The following PANK4 variants were observed in gnomAD, a reference collection of about 807,000 sequenced individuals.
The protein encoded by PANK4 is pantothenate kinase 4 (inactive).
PANK4 carries 40 observed loss-of-function variants against 87.9 expected under a neutral mutation model. The observed-to-expected ratio is 0.46, with a 90% CI of 0.35 to 0.59. The LOEUF is 0.59. PANK4 is among the 20% of genes least tolerant of loss of function. The pLI is 0.00. For missense variants in PANK4, 926 were observed against 1,072.3 expected, an observed-to-expected ratio of 0.86 and a Z score of 1.90; for synonymous variants, 524 against 467.4, an observed-to-expected ratio of 1.12 and a Z score of -1.56.
intron 12 of PANK4, among the ~76,000 whole-genome samples, chr1:2,513,477 A>T (rs1246637563): frequency 6.6e-6 from 1 of 152,236 alleles, no homozygotes; most frequent in Non-Finnish European, 1.5e-5. Flanking sequence ...AGGGCCAAGG[A>T]GGGCTCTGGC....
At chr1:2,524,162 T>C (rs914796322) in intron 1 of PANK4, among the ~76,000 whole-genome samples, 6 of 152,266 alleles carry the variant, frequency 3.9e-5, no homozygotes, top group Non-Finnish European at 7.4e-5. Context: ...AGCTGCAGTA[T>C]GTTTTGAGAA....
At position 2,514,930 on chromosome 1, in the gene PANK4, G is replaced by C. The variant is rs982255792; in HGVS notation, c.1375-464C>G. Among the ~76,000 whole-genome samples the C allele has an allele frequency of 7.2e-5, 11 of 152,140 alleles. No homozygotes were observed. The South Asian group carries it at 1.0e-3, about 14-fold the overall frequency. ...CAGACTCGAGCCCCCATCCTGTGCC[G>C]GGGACGAGGGGCTCTGGGCACTCAG... On this transcript the variant is annotated intron_variant, in intron 10 of 18. Coordinates refer to ENST00000378466, the MANE Select transcript of PANK4 (RefSeq NM_018216.4).
At position 2,509,376 on chromosome 1, in the gene PANK4, T is replaced by C. The variant is rs1049271127; in HGVS notation, c.2109-316A>G. ...GCTGGGGCACAGATGAAGCCAGCAC[T>C]GGAGAATCCCACCAGGCAGAGCAGA... On this transcript the variant is annotated intron_variant, in intron 18 of 18. Coordinates refer to ENST00000378466, the MANE Select transcript of PANK4 (RefSeq NM_018216.4). This position sits in a 1 kb window ranked among gnomAD's most constrained non-coding sequence, Gnocchi z 4.9. 6.6e-6 allele frequency among the ~76,000 whole-genome samples: 1 copy of C among 152,194 alleles called. No homozygotes were observed. Among genetic ancestry groups the C allele is most frequent in the African/African-American group, 2.4e-5 (1 of 41,448 alleles).
rs1288990172 is a variant in PANK4 at position 2,526,558 on chromosome 1, C to G, written c.30G>C (p.Gly10=). MAECGASGS[G]SSGDSLDKSI... ...TCTTGTCCAGACTGTCCCCGCTGCT[C>G]CCGCTGCCGCTCGCTCCACACTCCG... The change falls in exon 1 of 19, where the codon GGG becomes GGC. Residue 10 remains glycine (G), a synonymous_variant. Transcript: ENST00000378466. 3.7e-6 allele frequency: 6 copies of G among 1,602,758 alleles called. No individual in the cohort carries two copies. In the African/African-American group the frequency reaches 6.8e-5, roughly 18 times the overall value.
chr1:2,514,527 C>G, intron 10 of PANK4, 61 bp from the exon 11 acceptor site: 5 of 785,988 alleles, frequency 6.4e-6, no homozygotes, highest in Non-Finnish European at 9.1e-6. Context: ...CGAATCCCCA[C>G]GTGACAGCAG....
rs1643643388 is a variant in PANK4, at chr1:2,510,531, C to G, written c.1938+147G>C. ...GCCTCCACCCCAGCAGATGACGGCT[C>G]TGGGCCGCCTCCCCCGTGCTGCTGC... is the stretch of plus-strand genomic sequence containing the variant. On this transcript the variant is annotated intron_variant, in intron 16 of 18. Transcript: ENST00000378466. The surrounding 1 kb of genome is among the most constrained non-coding windows in gnomAD (Gnocchi z 4.9). The G allele has an allele frequency of 1.5e-6, 1 of 657,760 alleles. No homozygotes were observed. Among genetic ancestry groups the G allele is most frequent in the Admixed American group, 2.5e-5 (1 of 40,770 alleles). The allele number at this position is 657,760 out of a possible 1,614,324, so 40.7% of individuals were successfully genotyped here. A position where few individuals can be genotyped will look rare whatever the true frequency, so the allele number is the denominator to read the frequency against.
At chr1:2,514,545 G>A (rs1038889744) in intron 10 of PANK4, 79 bp from the exon 11 acceptor site, 14 of 972,498 alleles carry the variant, frequency 1.4e-5, no homozygotes, top group African/African-American at 6.5e-5. Context: ...CAGGGGGCTC[G>A]GGGAAGGGTG....
intron 9 of PANK4, among the ~76,000 whole-genome samples, chr1:2,516,212 C>G (rs780163923): frequency 2.0e-5 from 3 of 152,162 alleles, no homozygotes; most frequent in Admixed American, 6.5e-5. Context: ...AAGCACCAGG[C>G]AGTGTTCCAC....
chr1:2,521,060 C>A lies in PANK4; in HGVS notation c.422+41G>T, dbSNP rs548137982. 3.1e-5 allele frequency: 48 copies of A among 1,569,254 alleles called. No homozygotes were observed. In the East Asian group the frequency reaches 9.9e-4, roughly 32 times the overall value. On this transcript the variant is annotated intron_variant, in intron 3 of 18. Transcript: ENST00000378466. ...TCTGGGACACCCAGGGACTCGGGGG[C>A]AGACACATGTTCCTTTCTCGCCCTT...
rs781030376 is a variant in PANK4, at chr1:2,509,557, C to T, written c.2108+305G>A. ...TGTGGGACACGGAGGTGACAGACAC[C>T]GGGCAGCTGCCCAGGTCGCCCTCGG... On this transcript the variant is annotated intron_variant, in intron 18 of 18. Transcript: ENST00000378466. The surrounding 1 kb of genome is among the most constrained non-coding windows in gnomAD (Gnocchi z 4.9). Among the ~76,000 whole-genome samples, 23 of 152,186 alleles carry T rather than the reference C, an allele frequency of 1.5e-4. No homozygotes were observed. The highest frequency in any genetic ancestry group is 3.6e-4 in the African/African-American group (15 of 41,440).
At chr1:2,518,736 G>C in intron 7 of PANK4, 139 bp from the exon 8 acceptor site, 2 of 720,228 alleles carry the variant, frequency 2.8e-6, no homozygotes, top group Non-Finnish European at 4.8e-6. Context: ...CGGCATACTT[G>C]CCAGTGGAAT....
Position 2,510,538 on chromosome 1 carries a change from G to A in PANK4, c.1938+140C>T, listed in dbSNP as rs888478181. On this transcript the variant is annotated intron_variant, in intron 16 of 18. Coordinates refer to ENST00000378466, the MANE Select transcript of PANK4 (RefSeq NM_018216.4). This position sits in a 1 kb window ranked among gnomAD's most constrained non-coding sequence, Gnocchi z 4.9. ...CCCCAGCAGATGACGGCTCTGGGCC[G>A]CCTCCCCCGTGCTGCTGCCTGCACC... 8 of 658,710 alleles carry A rather than the reference G, an allele frequency of 1.2e-5. No homozygotes were observed. The highest frequency in any genetic ancestry group is 1.9e-5 in the Non-Finnish European group (7 of 368,908). 40.8% of individuals were successfully genotyped at this position (658,710 alleles called of 1,614,324 possible).
At chr1:2,511,720 G>A (rs1159648470) in intron 13 of PANK4, 37 bp from the exon 14 acceptor site, 3 of 1,361,510 alleles carry the variant, frequency 2.2e-6, no homozygotes, top group Admixed American at 1.7e-5. Context: ...TAAGACAACA[G>A]AACAAAAACC....
chr1:2,512,227 C>T (rs1164419963), intron 13 of PANK4, among the ~76,000 whole-genome samples: 1 of 152,152 alleles, frequency 6.6e-6, no homozygotes, highest in Non-Finnish European at 1.5e-5. Context: ...GGGCCTGTGT[C>T]CCAGAGGGGC....
In PANK4 at chr1:2,514,266, C is replaced by T. The variant is rs972292907; in HGVS notation, c.1487+88G>A. On this transcript the variant is annotated intron_variant, in intron 11 of 18. Coordinates refer to ENST00000378466, the MANE Select transcript of PANK4 (RefSeq NM_018216.4). ...CACCCACCCCCAGCGAGCTGGGGTC[C>T]GAATGCCAACATCACGGCACTTTCT... 9 of 1,216,990 alleles carry T rather than the reference C, an allele frequency of 7.4e-6. No individual in the cohort carries two copies. In the African/African-American group the frequency reaches 7.4e-5, roughly 10 times the overall value. The allele number at this position is 1,216,990 out of a possible 1,614,324, so 75.4% of individuals were successfully genotyped here.
At chr1:2,511,759 C>A (rs1247441145) in intron 13 of PANK4, 76 bp from the exon 14 acceptor site, 3 of 853,716 alleles carry the variant, frequency 3.5e-6, no homozygotes, top group African/African-American at 1.7e-5. Flanking sequence ...TGTGAAGACC[C>A]CAAATCCCTC....
intron 1 of PANK4, among the ~76,000 whole-genome samples, chr1:2,524,588 C>A (rs1231586208): frequency 1.3e-5 from 2 of 152,194 alleles, no homozygotes; most frequent in African/African-American, 2.4e-5. Flanking sequence ...GCCTGGAGAA[C>A]AGGCTGGTAC....
chr1:2,514,699 G>A (rs1643734983), intron 10 of PANK4, among the ~76,000 whole-genome samples: 1 of 141,396 alleles, frequency 7.1e-6, no homozygotes, highest in Non-Finnish European at 1.6e-5. Flanking sequence ...GTCAGGGCCT[G>A]CTGTGGGGGA....
chr1:2,523,125 C>T (rs1047818169), intron 1 of PANK4, among the ~76,000 whole-genome samples: 2 of 152,224 alleles, frequency 1.3e-5, no homozygotes, highest in Non-Finnish European at 2.9e-5. Context: ...TGTCTGAGAA[C>T]AAGCACTCAG....
Sources: gnomAD v4.1 joint callset for allele counts (sites outside exome capture counted in the v4.1 genomes callset) on GRCh38, gnomAD v4.1.1 for gene constraint, Gnocchi (gnomAD v3.1) non-coding constraint, MANE v1.5 for transcripts, NCBI Gene and HGNC (gene_info 2026-07-23, HGNC 2026-07-21) for gene names.